PLA2G4A: variants seen among roughly 807,000 people sequenced by gnomAD.
PLA2G4A encodes the protein cytosolic phospholipase A2.
PLA2G4A carries 40 observed loss-of-function variants against 81.9 expected under a neutral mutation model. That is an observed-to-expected ratio of 0.49 (90% CI 0.38 to 0.64). The LOEUF is 0.64. PLA2G4A is among the 30% of genes least tolerant of loss of function. PLA2G4A has a pLI of 0.00. For missense variants in PLA2G4A, 715 were observed against 905.1 expected, an observed-to-expected ratio of 0.79 and a Z score of 2.69; for synonymous variants, 302 against 296.9, an observed-to-expected ratio of 1.02 and a Z score of -0.18.
At chr1:186,908,309 T>C (rs1303598275) in intron 6 of PLA2G4A, among the ~76,000 whole-genome samples, 2 of 152,060 alleles carry the variant, frequency 1.3e-5, no homozygotes, top group African/African-American at 4.8e-5. Flanking sequence ...TAGGTCATTA[T>C]ACTGTTCAAA....
At chr1:186,959,241 C>T (rs1290044627) in intron 14 of PLA2G4A, among the ~76,000 whole-genome samples, 2 of 152,160 alleles carry the variant, frequency 1.3e-5, no homozygotes, top group Non-Finnish European at 2.9e-5. Context: ...TGCGGGTGTT[C>T]GCATTTGGAG....
intron 17 of PLA2G4A, among the ~76,000 whole-genome samples, chr1:186,986,727 C>T (rs76812315): frequency 6.6e-6 from 1 of 152,244 alleles, no homozygotes; most frequent in East Asian, 1.9e-4. Context: ...TCTCCAATCC[C>T]CACAAAACCC....
At chr1:186,842,847 C>A (rs957986057) in intron 1 of PLA2G4A, among the ~76,000 whole-genome samples, 2 of 152,180 alleles carry the variant, frequency 1.3e-5, no homozygotes, top group Non-Finnish European at 2.9e-5. Context: ...GTTATGGCAA[C>A]CCTCGTAAAC....
chr1:186,900,810 G>A (rs536327788), intron 5 of PLA2G4A, among the ~76,000 whole-genome samples: 1 of 152,320 alleles, frequency 6.6e-6, no homozygotes, highest in East Asian at 1.9e-4. Flanking sequence ...TTGTCTCTAA[G>A]TTGACCTTGT....
intron 7 of PLA2G4A, among the ~76,000 whole-genome samples, chr1:186,920,733 T>C (rs972571560): frequency 1.3e-5 from 2 of 152,212 alleles, no homozygotes; most frequent in African/African-American, 4.8e-5. Context: ...TTTCCTCTCC[T>C]TTCAGGGGAA....
chr1:186,944,434 G>C (rs987946133), intron 10 of PLA2G4A, among the ~76,000 whole-genome samples: 1 of 152,144 alleles, frequency 6.6e-6, no homozygotes, highest in Non-Finnish European at 1.5e-5. Flanking sequence ...TTATGCCTCA[G>C]TTCCCATGAT....
intron 5 of PLA2G4A, among the ~76,000 whole-genome samples, chr1:186,896,506 C>T (rs989093264): frequency 6.6e-6 from 1 of 152,200 alleles, no homozygotes; most frequent in Admixed American, 6.5e-5. Flanking sequence ...AGCATAGGCT[C>T]TCAGTAAATG....
At chr1:186,881,940 G>C (rs114619395) in intron 3 of PLA2G4A, among the ~76,000 whole-genome samples, 1,692 of 152,196 alleles carry the variant, frequency 0.011, 19 homozygotes, top group Non-Finnish European at 0.018. Context: ...GAATAGGAAG[G>C]CTGTGCTCAC....
chr1:186,957,327 A>G (rs960639809), intron 14 of PLA2G4A, among the ~76,000 whole-genome samples: 1 of 152,022 alleles, frequency 6.6e-6, no homozygotes, highest in Admixed American at 6.5e-5. Context: ...TAAGGGAATT[A>G]GGTGCTTATA....
intron 17 of PLA2G4A, among the ~76,000 whole-genome samples, chr1:186,980,583 T>C (rs1185972887): frequency 1.3e-5 from 2 of 152,192 alleles, no homozygotes; most frequent in African/African-American, 4.8e-5. Flanking sequence ...GGTGACTGTG[T>C]AAATGGCGCA....
At chr1:186,902,647 C>T (rs141774174) in intron 5 of PLA2G4A, among the ~76,000 whole-genome samples, 3 of 152,142 alleles carry the variant, frequency 2.0e-5, no homozygotes, top group East Asian at 3.9e-4. Flanking sequence ...TAACTGATGA[C>T]CTTACCTTGT....
In PLA2G4A at chr1:186,983,848, C is replaced by T. The variant is rs150580085; in HGVS notation, c.2118+4376C>T. On this transcript the variant is annotated intron_variant, in intron 17 of 17. Coordinates refer to ENST00000367466, the MANE Select transcript of PLA2G4A (RefSeq NM_024420.3). ...GGCCTCTTGGCTGGGTGACATTGGG[C>T]ATATTGGTTAACCTTTCTAAATTTT... Among the ~76,000 whole-genome samples the T allele has an allele frequency of 1.4e-3, 213 of 152,154 alleles. 3 individuals are homozygous for T. The highest frequency in any genetic ancestry group is 4.7e-3 in the African/African-American group (197 of 41,510).
chr1:186,944,703 C>T (rs1346699278), intron 10 of PLA2G4A, among the ~76,000 whole-genome samples: 1 of 152,112 alleles, frequency 6.6e-6, no homozygotes, highest in Non-Finnish European at 1.5e-5. Context: ...AAATATAGAT[C>T]CACAATTCCT....
chr1:186,863,367 C>T lies in PLA2G4A; in HGVS notation c.34-7068C>T, dbSNP rs544570422. 2.6e-5 allele frequency among the ~76,000 whole-genome samples: 4 copies of T among 152,236 alleles called. No homozygotes were observed. In the East Asian group the frequency reaches 7.7e-4, roughly 29 times the overall value. ...TTTTTAAAATTCTGTTTTTAATTGA[C>T]ACATAGTAATTATATATATTTATGG... On this transcript the variant is annotated intron_variant, in intron 2 of 17. Transcript: ENST00000367466.
At chr1:186,833,871 G>A (rs566577532) in intron 1 of PLA2G4A, among the ~76,000 whole-genome samples, 14 of 152,184 alleles carry the variant, frequency 9.2e-5, no homozygotes, top group Non-Finnish European at 1.9e-4. Flanking sequence ...GACACCTGAC[G>A]CTGAAAGTTA....
intron 2 of PLA2G4A, among the ~76,000 whole-genome samples, chr1:186,861,425 C>T (rs1027652139): frequency 6.6e-6 from 1 of 152,150 alleles, no homozygotes; most frequent in Non-Finnish European, 1.5e-5. Context: ...TTCACCTTTG[C>T]TCTCTGCCTT....
intron 15 of PLA2G4A, among the ~76,000 whole-genome samples, chr1:186,966,889 T>C (rs1490149032): frequency 6.6e-6 from 1 of 152,226 alleles, no homozygotes; most frequent in Non-Finnish European, 1.5e-5. Flanking sequence ...CTCTGTTCTC[T>C]GTCTGTGTTT....
intron 6 of PLA2G4A, 60 bp from the exon 7 acceptor site, chr1:186,911,188 G>T: frequency 6.7e-7 from 1 of 1,491,530 alleles, no homozygotes; most frequent in Non-Finnish European, 9.4e-7. Context: ...AAAGCTACCT[G>T]GATGGAAAAC....
chr1:186,845,121 A>C (rs1038485352), intron 1 of PLA2G4A, among the ~76,000 whole-genome samples: 3 of 152,088 alleles, frequency 2.0e-5, no homozygotes, highest in Non-Finnish European at 4.4e-5. Context: ...GAGGCCCCAG[A>C]ATTGCTTGAA....
Sources: allele counts gnomAD v4.1 joint callset (sites outside exome capture counted in the v4.1 genomes callset), GRCh38; gene constraint gnomAD v4.1.1; transcripts MANE v1.5; gene names NCBI Gene and HGNC (gene_info 2026-07-23, HGNC 2026-07-21).